Variants in MAP3K20 observed in about 807,000 individuals in gnomAD.
The protein encoded by MAP3K20 is HCCS-4.
In MAP3K20, 40 loss-of-function variants were observed where a neutral mutation model predicts 85.7. The observed-to-expected ratio is 0.47, with a 90% CI of 0.36 to 0.61. MAP3K20 has a LOEUF of 0.61. Among genes scored for constraint, MAP3K20 ranks in the 20% least tolerant of loss-of-function variants. MAP3K20 has a pLI of 0.00. For missense variants in MAP3K20, 817 were observed against 961.7 expected, an observed-to-expected ratio of 0.85 and a Z score of 1.99; for synonymous variants, 325 against 327.7, an observed-to-expected ratio of 0.99 and a Z score of 0.09.
At chr2:173,090,570 A>C in intron 1 of MAP3K20, 1 of 968,028 alleles carries the variant, frequency 1.0e-6, no homozygotes, top group Middle Eastern at 5.3e-4. Flanking sequence ...ATTTTGTGTG[A>C]AGTGAGTGCA....
At chr2:173,256,486 TAGATAGATAGATAGATAG>T (rs886933677) in intron 16 of MAP3K20, among the ~76,000 whole-genome samples, 9 of 3,298 alleles carry the variant, frequency 2.7e-3, no homozygotes, top group African/African-American at 0.012. Context: ...AAAAAATAGA[TAGATAGATAGATAGATAG>T]ATAGATAGAT....
At chr2:173,223,990 T>C in intron 11 of MAP3K20, 2 of 985,332 alleles carry the variant, frequency 2.0e-6, no homozygotes, top group Non-Finnish European at 2.4e-6. Flanking sequence ...CACATATTCA[T>C]AGAGCTCCTT....
chr2:173,190,389 C>T (rs1164793853), intron 5 of MAP3K20, among the ~76,000 whole-genome samples: 1 of 152,206 alleles, frequency 6.6e-6, no homozygotes. Context: ...GACTTGCTTA[C>T]AGTCCTGTTC....
At position 173,215,721 on chromosome 2, in the gene MAP3K20, G is replaced by C. The variant is rs1018574582; in HGVS notation, c.852-1394G>C. The C allele has an allele frequency of 2.0e-5, 3 of 152,204 alleles. No individual in the cohort carries two copies. The South Asian group carries it at 6.2e-4, about 32-fold the overall frequency. The allele number at this position is 152,204 out of a possible 1,614,324, so 9.4% of individuals were successfully genotyped here. ...CCAGACCCACCTCCATACCTGTTCA[G>C]AGTTGGATTTTGCCAGTGAATGCCT... On this transcript the variant is annotated intron_variant, in intron 10 of 19. Transcript: ENST00000375213.
At chr2:173,161,828 A>G (rs1673413035) in intron 2 of MAP3K20, among the ~76,000 whole-genome samples, 1 of 152,182 alleles carries the variant, frequency 6.6e-6, no homozygotes, top group Non-Finnish European at 1.5e-5. Flanking sequence ...TTTGTTCCAG[A>G]GCCGTATCGG....
Position 173,076,482 on chromosome 2 carries a change from C to T in MAP3K20, c.-35+480C>T, listed in dbSNP as rs190664542. ...GTAGGGTGCAGGCCACTTCCCAGCACTCGCTGTGCGTGCGAGGAGGGACGA... is the reference window on the plus strand; with the variant it reads ...GTAGGGTGCAGGCCACTTCCCAGCATTCGCTGTGCGTGCGAGGAGGGACGA... On this transcript the variant is annotated intron_variant, in intron 1 of 19. Coordinates refer to ENST00000375213, the MANE Select transcript of MAP3K20 (RefSeq NM_016653.3). 2.6e-5 allele frequency among the ~76,000 whole-genome samples: 4 copies of T among 152,328 alleles called. No individual in the cohort carries two copies. The East Asian group carries it at 5.8e-4, about 22-fold the overall frequency.
intron 2 of MAP3K20, among the ~76,000 whole-genome samples, chr2:173,113,393 T>A (rs192192301): frequency 1.4e-3 from 220 of 152,242 alleles, no homozygotes; most frequent in African/African-American, 5.1e-3. Context: ...CAATTTCATT[T>A]GGTTCTGCTC....
intron 2 of MAP3K20, among the ~76,000 whole-genome samples, chr2:173,118,456 T>G (rs1363445257): frequency 6.6e-6 from 1 of 152,156 alleles, no homozygotes; most frequent in Admixed American, 6.5e-5. Flanking sequence ...CATATAAATA[T>G]TCTATGTTTT....
At chr2:173,224,956 A>C in intron 11 of MAP3K20, 2 of 964,478 alleles carry the variant, frequency 2.1e-6, no homozygotes, top group Non-Finnish European at 2.4e-6. Context: ...CAACTACTTG[A>C]TTTACAAAAA....
intron 16 of MAP3K20, among the ~76,000 whole-genome samples, chr2:173,244,257 AT>A (rs1684865527): frequency 6.6e-6 from 1 of 152,104 alleles, no homozygotes; most frequent in South Asian, 2.1e-4. Flanking sequence ...TGCTAAAAGT[AT>A]AAAGAAGTGA....
chr2:173,164,675 GT>G (rs545451284), intron 2 of MAP3K20, among the ~76,000 whole-genome samples: 58 of 152,288 alleles, frequency 3.8e-4, no homozygotes, highest in Admixed American at 7.2e-4. Flanking sequence ...TTGAAAAAAA[GT>G]TTTGAATTGA....
chr2:173,125,277 T>C (rs1010131641), intron 2 of MAP3K20, among the ~76,000 whole-genome samples: 5 of 152,244 alleles, frequency 3.3e-5, no homozygotes, highest in African/African-American at 1.2e-4. Context: ...CTATGTAATA[T>C]GTTCTTGTGT....
At chr2:173,109,356 T>G (rs1687875725) in intron 2 of MAP3K20, among the ~76,000 whole-genome samples, 1 of 152,202 alleles carries the variant, frequency 6.6e-6, no homozygotes, top group African/African-American at 2.4e-5. Context: ...TCTCCACATC[T>G]GGTGATTATA....
intron 2 of MAP3K20, among the ~76,000 whole-genome samples, chr2:173,168,995 C>G (rs1689922205): frequency 6.6e-6 from 1 of 152,130 alleles, no homozygotes; most frequent in Non-Finnish European, 1.5e-5. Context: ...CGAATCACCA[C>G]TGAAGGTCAA....
At chr2:173,265,987 G>A (rs776966693) in intron 19 of MAP3K20, 63 bp from the exon 20 acceptor site, 153 of 1,475,686 alleles carry the variant, frequency 1.0e-4, no homozygotes, top group African/African-American at 7.0e-4. Flanking sequence ...TAAGACAGGC[G>A]TATGAATTAG....
intron 2 of MAP3K20, among the ~76,000 whole-genome samples, chr2:173,159,604 G>A (rs1322757735): frequency 1.2e-4 from 19 of 152,092 alleles, no homozygotes. Flanking sequence ...TGCCCAGACT[G>A]GTCTTGAACT....
chr2:173,129,178 C>G (rs149867171), intron 2 of MAP3K20, among the ~76,000 whole-genome samples: 1 of 152,056 alleles, frequency 6.6e-6, no homozygotes, highest in African/African-American at 2.4e-5. Context: ...CTGCCCTCCT[C>G]GGCTTCCCAA....
At position 173,229,684 on chromosome 2, in the gene MAP3K20, T is replaced by C. The variant is rs1357879071; in HGVS notation, c.988-5T>C. 1.9e-6 allele frequency: 3 copies of C among 1,614,040 alleles called. No individual in the cohort carries two copies. In the South Asian group the frequency reaches 3.3e-5, roughly 18 times the overall value. ...TTTTTCATTTCATGCATATTTCCCA[T>C]GCAGCTGCTGCCTTCCTTTGAGATT... is the stretch of plus-strand genomic sequence containing the variant. On this transcript the variant is annotated splice_region_variant and splice_polypyrimidine_tract_variant and intron_variant, in intron 11 of 19. Transcript: ENST00000375213.
In MAP3K20 at chr2:173,251,984, TAG is replaced by T. The variant is rs923676584; in HGVS notation, c.1360-6699_1360-6698del. Among the ~76,000 whole-genome samples the T allele has an allele frequency of 1.2e-3, 174 of 151,136 alleles. 2 individuals carry two copies. The highest frequency in any genetic ancestry group is 3.9e-3 in the African/African-American group (162 of 41,324). ...GCAATTAAATTTTGATAGGGAAAAA[TAG>T]AGAGAGAGAGAGAGATTGAGATTAT... On this transcript the variant is annotated intron_variant, in intron 16 of 19. Transcript: ENST00000375213.
Sources: gnomAD v4.1 joint callset for allele counts (sites outside exome capture counted in the v4.1 genomes callset) on GRCh38, gnomAD v4.1.1 for gene constraint, MANE v1.5 for transcripts, NCBI Gene and HGNC (gene_info 2026-07-23, HGNC 2026-07-21) for gene names.